LRIT3: variants seen among roughly 807,000 people sequenced by gnomAD.
LRIT3 encodes the protein leucine rich repeat, Ig-like and transmembrane domains 3.
Under a neutral mutation model 22.6 loss-of-function variants are expected in LRIT3, and 14 were observed. The ratio of observed to expected loss-of-function variants is 0.62; its 90% CI spans 0.41 to 0.97. The LOEUF is 0.97. LRIT3 is among the 50% of genes least tolerant of loss of function. The pLI, the probability that LRIT3 is intolerant of heterozygous loss-of-function variation, is 0.00. For missense variants in LRIT3, 783 were observed against 803.0 expected, an observed-to-expected ratio of 0.98 and a Z score of 0.30; for synonymous variants, 306 against 304.5, an observed-to-expected ratio of 1.01 and a Z score of -0.05.
At chr4:109,853,491 C>A (rs960033927) in intron 2 of LRIT3, among the ~76,000 whole-genome samples, 2 of 151,504 alleles carry the variant, frequency 1.3e-5, no homozygotes, top group African/African-American at 4.9e-5. Context: ...GGATATTATC[C>A]CTTTGTCAGG....
chr4:109,852,825 G>T (rs190247923), intron 2 of LRIT3, among the ~76,000 whole-genome samples: 93 of 152,178 alleles, frequency 6.1e-4, no homozygotes, highest in African/African-American at 2.1e-3. Context: ...ACTTATGAGT[G>T]AGAACATGCA....
Position 109,871,880 on chromosome 4 carries a change from AG to A in LRIT3, c.*1092del, listed in dbSNP as rs1283925970. 1.3e-5 allele frequency: 2 copies of A among 152,210 alleles called. No individual in the cohort carries two copies. The highest frequency in any genetic ancestry group is 2.4e-5 in the African/African-American group (1 of 41,444). The allele number at this position is 152,210 out of a possible 1,614,324, so 9.4% of individuals were successfully genotyped here. ...TTCACAAATAAAATTTAGTTTTTTT[AG>A]AAAGAGAATATTTTAATAACTGTAG... On this transcript the variant is annotated 3_prime_UTR_variant, in exon 4 of 4. Coordinates refer to ENST00000594814, the MANE Select transcript of LRIT3 (RefSeq NM_198506.5).
chr4:109,851,758 C>G lies in LRIT3; in HGVS notation c.371C>G (p.Ser124Cys). 6.4e-7 allele frequency: 1 copy of G among 1,551,750 alleles called. No homozygotes were observed. The highest frequency in any genetic ancestry group is 8.7e-7 in the Non-Finnish European group (1 of 1,147,006). Reference sequence around the variant, plus strand: ...TCTCTGGCTGCTTTCCCTTGGGCATCTCTGCTGGACATGCCCCTTCTGAGG... The same window carrying G: ...TCTCTGGCTGCTTTCCCTTGGGCATGTCTGCTGGACATGCCCCTTCTGAGG... Reference protein sequence around the residue: ...GNSLAAFPWASLLDMPLLRTL... With the variant: ...GNSLAAFPWACLLDMPLLRTL... The change falls in exon 2 of 4, where the codon TCT (serine) becomes TGT (cysteine). Residue 124 changes from serine (S) to cysteine (C), a missense_variant. Transcript: ENST00000594814.
intron 1 of LRIT3, among the ~76,000 whole-genome samples, chr4:109,850,806 C>A (rs1387478887): frequency 6.6e-6 from 1 of 151,838 alleles, no homozygotes; most frequent in African/African-American, 2.4e-5. Flanking sequence ...TTTTTCTATG[C>A]CTGTTTTATA....
intron 2 of LRIT3, among the ~76,000 whole-genome samples, chr4:109,865,505 CTTA>C (rs1734655325): frequency 6.6e-6 from 1 of 152,040 alleles, no homozygotes; most frequent in Admixed American, 6.6e-5. Flanking sequence ...TGAATTCTTT[CTTA>C]GTAGACATAC....
chr4:109,850,367 CT>C (rs546235257), intron 1 of LRIT3, among the ~76,000 whole-genome samples: 344 of 1,142 alleles, frequency 0.3, no homozygotes, highest in African/African-American at 0.38. Flanking sequence ...TCCTTCCTTC[CT>C]TCCTTCCTTC....
intron 2 of LRIT3, chr4:109,865,160 CT>C: frequency 2.1e-6 from 3 of 1,452,458 alleles, no homozygotes; most frequent in Non-Finnish European, 2.8e-6. Flanking sequence ...TAGCATTTAT[CT>C]AGTCAACTCT....
At chr4:109,866,709 T>C (rs1424707229) in intron 2 of LRIT3, among the ~76,000 whole-genome samples, 1 of 152,186 alleles carries the variant, frequency 6.6e-6, no homozygotes, top group Admixed American at 6.5e-5. Flanking sequence ...AACTTTTTGC[T>C]ACTCAGTAGC....
At chr4:109,868,065 G>A (rs1285203877) in intron 3 of LRIT3, 119 bp downstream of exon 3, 13 of 1,050,582 alleles carry the variant, frequency 1.2e-5, no homozygotes, top group Non-Finnish European at 1.8e-5. Context: ...AAGATTATTG[G>A]GTGCAAGGGA....
At position 109,870,592 on chromosome 4, in the gene LRIT3, C is replaced by T; in HGVS notation, c.1843C>T (p.Pro615Ser). The T allele has an allele frequency of 6.2e-7, 1 of 1,613,678 alleles. No individual in the cohort carries two copies. The highest frequency in any genetic ancestry group is 8.5e-7 in the Non-Finnish European group (1 of 1,179,692). The change falls in exon 4 of 4, where the codon CCT becomes TCT. Residue 615 changes from proline to serine, a missense_variant. Physicochemically the swap from Pro to Ser is moderately conservative, Grantham distance 74. Coordinates refer to ENST00000594814, the MANE Select transcript of LRIT3 (RefSeq NM_198506.5). ...TTGCAAACTGCAATGTAAATCAGAA[C>T]CTTTTTGGGAAGATGATTTGGCAAA... ...KVCKLQCKSE[P>S]FWEDDLAKET...
At position 109,870,119 on chromosome 4, in the gene LRIT3, A is replaced by G; in HGVS notation, c.1370A>G (p.Asn457Ser). 3 of 1,614,224 alleles carry G rather than the reference A, an allele frequency of 1.9e-6. No homozygotes were observed. Among genetic ancestry groups the G allele is most frequent in the Non-Finnish European group, 2.5e-6 (3 of 1,180,018 alleles). ...AAAAGAAATTTAAAGGTGGCAAAGA[A>G]TGGAAGTAAGCTTCCTCCAGCCAGC... is the stretch of plus-strand genomic sequence containing the variant. Reference protein sequence around the residue: ...GGKRNLKVAKNGSKLPPASTS... With the variant: ...GGKRNLKVAKSGSKLPPASTS... Residue 457 changes from asparagine to serine, a missense_variant, in exon 4 of 4, where the codon AAT becomes AGT. Asn to Ser is a conservative substitution (Grantham distance 46, BLOSUM62 1). Around this residue, in one of 2 missense-constraint regions of LRIT3, gnomAD observed 756 missense variants for 753.8 expected, o/e 1.00. Coordinates refer to ENST00000594814, the MANE Select transcript of LRIT3 (RefSeq NM_198506.5).
intron 2 of LRIT3, among the ~76,000 whole-genome samples, chr4:109,865,484 T>G (rs940441345): frequency 6.6e-6 from 1 of 152,224 alleles, no homozygotes; most frequent in African/African-American, 2.4e-5. Context: ...CCATTACTTA[T>G]GTACTTGTTT....
intron 2 of LRIT3, among the ~76,000 whole-genome samples, chr4:109,862,107 T>G (rs1006361928): frequency 6.6e-6 from 1 of 152,208 alleles, no homozygotes; most frequent in African/African-American, 2.4e-5. Context: ...CAAAGCTGAG[T>G]AGGCATAGTC....
chr4:109,865,243 A>C, intron 2 of LRIT3: 2 of 1,560,770 alleles, frequency 1.3e-6, no homozygotes, highest in Non-Finnish European at 1.7e-6. Flanking sequence ...CTAATGGTTG[A>C]GCCTCATCAG....
rs1367566000 is a variant in LRIT3 at position 109,871,411 on chromosome 4, A to G, written c.*622A>G. On this transcript the variant is annotated 3_prime_UTR_variant, in exon 4 of 4. Transcript: ENST00000594814. ...GGTATTAGCAAAAGTAAGTATACAA[A>G]GAGGATTATGACAAATAGACCATTT... is the stretch of plus-strand genomic sequence containing the variant. 6.6e-6 allele frequency: 1 copy of G among 152,252 alleles called. No individual in the cohort carries two copies. Among genetic ancestry groups the G allele is most frequent in the East Asian group, 1.9e-4 (1 of 5,208 alleles). The allele number at this position is 152,252 out of a possible 1,614,324, so 9.4% of individuals were successfully genotyped here. A position where few individuals can be genotyped will look rare whatever the true frequency, so the allele number is the denominator to read the frequency against.
Position 109,851,628 on chromosome 4 carries a change from G to A in LRIT3, c.241G>A (p.Val81Met). The A allele has an allele frequency of 1.3e-6, 2 of 1,551,710 alleles. No individual in the cohort carries two copies. Among genetic ancestry groups the A allele is most frequent in the Non-Finnish European group, 8.7e-7 (1 of 1,146,990 alleles). The change falls in exon 2 of 4, where the codon GTG becomes ATG. Residue 81 changes from valine to methionine, a missense_variant. Around this residue, in one of 2 missense-constraint regions of LRIT3, gnomAD observed 756 missense variants for 753.8 expected, o/e 1.00. Coordinates refer to ENST00000594814, the MANE Select transcript of LRIT3 (RefSeq NM_198506.5). ...CTCTGCGGAGGCCTTCTATTACCTG[G>A]TGGAGCTCCAGTATCTCTGGGTGAC... ...RISAEAFYYL[V>M]ELQYLWVTYN...
At position 109,851,655 on chromosome 4, in the gene LRIT3, T is replaced by TA. The variant is rs1482081402; in HGVS notation, c.269dup (p.Tyr90Ter). The change falls in exon 2 of 4, where the codon TAC (tyrosine) becomes TAAC (stop). Residue 90 changes from tyrosine to a stop codon, truncating the protein, a stop_gained and frameshift_variant. Transcript: ENST00000594814. LOFTEE classifies it high-confidence loss of function. The part of the protein sequence containing the change: ...LVELQYLWVT[Y>*]NSVASIDPSS... ...GGAGCTCCAGTATCTCTGGGTGACT[T>TA]ACAATTCCGTGGCCAGCATTGACCC... 1 of 1,551,696 alleles carries TA rather than the reference T, an allele frequency of 6.4e-7. No homozygotes were observed. Among genetic ancestry groups the TA allele is most frequent in the South Asian group, 1.2e-5 (1 of 84,064 alleles).
chr4:109,849,074 C>T (rs1219527901), intron 1 of LRIT3, among the ~76,000 whole-genome samples: 1 of 151,912 alleles, frequency 6.6e-6, no homozygotes, highest in Non-Finnish European at 1.5e-5. Flanking sequence ...TTATTTGTGA[C>T]TTGGTTGAAG....
chr4:109,858,902 G>T (rs755292382), intron 2 of LRIT3, among the ~76,000 whole-genome samples: 13 of 152,168 alleles, frequency 8.5e-5, no homozygotes, highest in Non-Finnish European at 1.5e-4. Flanking sequence ...CTGGACCATT[G>T]TCTGTTTTGA....
Sources: allele counts gnomAD v4.1 joint callset (sites outside exome capture counted in the v4.1 genomes callset), GRCh38; gene constraint gnomAD v4.1.1; regional missense constraint gnomAD v4.1.1; transcripts MANE v1.5; gene names NCBI Gene and HGNC (gene_info 2026-07-23, HGNC 2026-07-21).